The following GTF2A1L variants were observed in gnomAD, a reference collection of about 807,000 sequenced individuals.
GTF2A1L encodes the protein TFIIA-alpha and beta-like factor.
In GTF2A1L, 48 loss-of-function variants were observed where a neutral mutation model predicts 49.7. The ratio of observed to expected loss-of-function variants is 0.97; its 90% CI spans 0.77 to 1.23. GTF2A1L has a LOEUF of 1.23. GTF2A1L is among the 50% of genes most tolerant of loss of function. The pLI, the probability that GTF2A1L is intolerant of heterozygous loss-of-function variation, is 0.00. For synonymous variants in GTF2A1L, 246 were observed against 193.5 expected (o/e 1.27, Z -2.25); for missense variants, 736 against 564.8 (o/e 1.30, Z -3.07).
At chr2:48,655,622 A>G (rs2104246077) in intron 6 of GTF2A1L, among the ~76,000 whole-genome samples, 1 of 152,360 alleles carries the variant, frequency 6.6e-6, no homozygotes, top group East Asian at 1.9e-4. Flanking sequence ...GTTTTGCCAC[A>G]TAGTATAGTA....
rs1009153807 is a variant in GTF2A1L, at chr2:48,643,675, C to A, written c.303+1218C>A. Among the ~76,000 whole-genome samples the A allele has an allele frequency of 2.7e-5, 4 of 149,408 alleles. No individual in the cohort carries two copies. The Admixed American group carries it at 2.7e-4, about 10-fold the overall frequency. ...GAGACTGAGGTACTGGGCACCATAG[C>A]AAGACCATATTAATACAATTTTTTT... is the stretch of plus-strand genomic sequence containing the variant. On this transcript the variant is annotated intron_variant, in intron 4 of 8. Transcript: ENST00000403751.
intron 6 of GTF2A1L, among the ~76,000 whole-genome samples, chr2:48,647,740 C>T (rs1677606050): frequency 6.6e-6 from 1 of 151,990 alleles, no homozygotes. Context: ...TAAAAATTAG[C>T]TTCTAGTTAA....
chr2:48,625,893 C>T (rs6709346), intron 3 of GTF2A1L, among the ~76,000 whole-genome samples: 1,873 of 143,822 alleles, frequency 0.013, 163 homozygotes, highest in African/African-American at 0.044. Context: ...TATTTATTTT[C>T]GCTTTTGTAG....
At chr2:48,641,343 G>C (rs1677186160) in intron 3 of GTF2A1L, among the ~76,000 whole-genome samples, 1 of 152,110 alleles carries the variant, frequency 6.6e-6, no homozygotes, top group Admixed American at 6.6e-5. Context: ...TCAATCTGTA[G>C]CCTTTCTTCT....
chr2:48,634,249 T>C (rs972159862), intron 3 of GTF2A1L, among the ~76,000 whole-genome samples: 1 of 152,134 alleles, frequency 6.6e-6, no homozygotes, highest in African/African-American at 2.4e-5. Flanking sequence ...GTAGCTGGGA[T>C]GGCAGGCGAG....
chr2:48,662,843 T>C (rs970043194), intron 6 of GTF2A1L, among the ~76,000 whole-genome samples: 3 of 152,022 alleles, frequency 2.0e-5, no homozygotes, highest in Admixed American at 6.6e-5. Context: ...TTCTCACTTA[T>C]AAGTGGGAGC....
chr2:48,632,761 C>G, intron 3 of GTF2A1L: 1 of 166,470 alleles, frequency 6.0e-6, no homozygotes, highest in South Asian at 1.5e-4. Context: ...TGACATCAGT[C>G]CAATTTATCT....
chr2:48,675,711 G>T (rs1162346638), intron 8 of GTF2A1L, among the ~76,000 whole-genome samples: 1 of 151,904 alleles, frequency 6.6e-6, no homozygotes, highest in Non-Finnish European at 1.5e-5. Flanking sequence ...GAAACCATTT[G>T]AATATCCTAT....
intron 3 of GTF2A1L, 56 bp downstream of exon 3, chr2:48,621,346 T>G: frequency 3.7e-6 from 6 of 1,611,348 alleles, no homozygotes; most frequent in Non-Finnish European, 5.1e-6. Flanking sequence ...AATTCTCATT[T>G]GGGAATGTTT....
chr2:48,671,765 G>A (rs928599940), intron 8 of GTF2A1L, 85 bp downstream of exon 8: 24 of 1,281,936 alleles, frequency 1.9e-5, no homozygotes, highest in African/African-American at 3.0e-5. Flanking sequence ...ATAAGATGAA[G>A]AGTTACACTT....
chr2:48,671,526 C>A, intron 7 of GTF2A1L, 65 bp from the exon 8 acceptor site: 1 of 1,527,398 alleles, frequency 6.5e-7, no homozygotes, highest in South Asian at 1.2e-5. Context: ...TTCTATATGT[C>A]TCTTTATCTT....
rs148353443 is a variant in GTF2A1L, at chr2:48,675,309, G to C, written c.1329+3629G>C. Among the ~76,000 whole-genome samples, 468 of 152,208 alleles carry C rather than the reference G, an allele frequency of 3.1e-3. 4 individuals are homozygous for C. The highest frequency in any genetic ancestry group is 0.01 in the African/African-American group (434 of 41,546). ...AGTCCCACGCCAGAGTACTGGATAA[G>C]AATGTACATTTTAACAAGACTCCAA... On this transcript the variant is annotated intron_variant, in intron 8 of 8. Coordinates refer to ENST00000403751, the MANE Select transcript of GTF2A1L (RefSeq NM_006872.5).
intron 6 of GTF2A1L, among the ~76,000 whole-genome samples, chr2:48,651,940 G>T (rs1349391822): frequency 6.6e-6 from 1 of 152,130 alleles, no homozygotes; most frequent in East Asian, 1.9e-4. Context: ...TGGTCCTGTG[G>T]TATCAGTTAT....
rs1677517910 is a variant in GTF2A1L, at chr2:48,646,508, A to C, written c.444A>C (p.Ala148=). Residue 148 remains alanine (A), a synonymous_variant, in exon 6 of 9, where the codon GCA becomes GCC. Transcript: ENST00000403751. ...TGGTGACAGAGACTTCTGGAAGAGCAGGTATTCTTCAGCATCCAATTCAGC... is the reference window on the plus strand; with the variant it reads ...TGGTGACAGAGACTTCTGGAAGAGCCGGTATTCTTCAGCATCCAATTCAGC... ...PIMVTETSGR[A]GILQHPIQQV... 9.9e-6 allele frequency: 16 copies of C among 1,613,968 alleles called. No homozygotes were observed. Among genetic ancestry groups the C allele is most frequent in the Middle Eastern group, 3.3e-4 (2 of 6,060 alleles).
Position 48,637,687 on chromosome 2 carries a change from T to C in GTF2A1L, c.248-4715T>C, listed in dbSNP as rs146081886. The stretch of plus-strand genomic sequence containing the variant: ...TTCAAAAGATTAATGAATCCAGGAG[T>C]TGGTTTTTGAAAAAATTAATAAGAT... On this transcript the variant is annotated intron_variant, in intron 3 of 8. Transcript: ENST00000403751. Among the ~76,000 whole-genome samples the C allele has an allele frequency of 7.1e-3, 1,071 of 151,898 alleles. 12 individuals are homozygous for C. Among genetic ancestry groups the C allele is most frequent in the African/African-American group, 0.025 (1,024 of 41,422 alleles).
At position 48,679,525 on chromosome 2, in the gene GTF2A1L, A is replaced by G; in HGVS notation, c.*83A>G. 6.4e-7 allele frequency: 1 copy of G among 1,567,854 alleles called. No homozygotes were observed. The highest frequency in any genetic ancestry group is 8.6e-7 in the Non-Finnish European group (1 of 1,162,358). On this transcript the variant is annotated 3_prime_UTR_variant, in exon 9 of 9. Transcript: ENST00000403751. ...GTGAATTCATTTTTATTTTGAATATAGTCCAGCACAGAGCTGTTCAAATTT... is the reference window on the plus strand; with the variant it reads ...GTGAATTCATTTTTATTTTGAATATGGTCCAGCACAGAGCTGTTCAAATTT...
At chr2:48,638,010 C>A (rs894057002) in intron 3 of GTF2A1L, among the ~76,000 whole-genome samples, 1 of 152,124 alleles carries the variant, frequency 6.6e-6, no homozygotes, top group Non-Finnish European at 1.5e-5. Flanking sequence ...AACACATACA[C>A]CCTCCCAAGA....
At chr2:48,629,631 G>A (rs12466526) in intron 3 of GTF2A1L, among the ~76,000 whole-genome samples, 121,166 of 143,000 alleles carry the variant, frequency 0.85, 53,931 homozygotes, top group East Asian at 0.99. Flanking sequence ...GGGAGTATAT[G>A]CGGTGAGAAA....
chr2:48,647,104 C>T (rs1265414762), intron 6 of GTF2A1L, 62 bp downstream of exon 6: 4 of 1,316,092 alleles, frequency 3.0e-6, no homozygotes, highest in Non-Finnish European at 4.1e-6. Flanking sequence ...AACTGGATAT[C>T]CTGAATATTT....
Sources: gnomAD v4.1 joint callset for allele counts (sites outside exome capture counted in the v4.1 genomes callset) on GRCh38, gnomAD v4.1.1 for gene constraint, MANE v1.5 for transcripts, NCBI Gene and HGNC (gene_info 2026-07-23, HGNC 2026-07-21) for gene names.